Variants in DLG2 observed in about 807,000 individuals in gnomAD.
The protein encoded by DLG2 is discs large MAGUK scaffold protein 2, also known as disks large homolog 2.
In DLG2, 45 loss-of-function variants were observed where a neutral mutation model predicts 132.5. The observed-to-expected ratio is 0.34, with a 90% confidence interval of 0.27 to 0.44. The LOEUF is 0.44. Among genes scored for constraint, DLG2 ranks in the 20% least tolerant of loss-of-function variants. DLG2 has a pLI of 1.00. For synonymous variants in DLG2, 424 were observed against 419.6 expected, an observed-to-expected ratio of 1.01 and a Z score of -0.13; for missense variants, 1,045 against 1,196.9, an observed-to-expected ratio of 0.87 and a Z score of 1.87.
At chr11:85,258,699 G>A (rs2076788212) in intron 4 of DLG2, among the ~76,000 whole-genome samples, 1 of 152,136 alleles carries the variant, frequency 6.6e-6, no homozygotes, top group Non-Finnish European at 1.5e-5. Flanking sequence ...ACAATACGCA[G>A]TTATGTTCCA....
chr11:85,117,204 T>A (rs2073734429), intron 5 of DLG2, among the ~76,000 whole-genome samples: 1 of 151,962 alleles, frequency 6.6e-6, no homozygotes, highest in African/African-American at 2.4e-5. Flanking sequence ...AAATGCCTCA[T>A]CCACATCATA....
intron 19 of DLG2, among the ~76,000 whole-genome samples, chr11:83,562,523 C>G (rs759681118): frequency 6.6e-6 from 1 of 152,054 alleles, no homozygotes; most frequent in Non-Finnish European, 1.5e-5. Context: ...GATAGAAATA[C>G]AAGGCTATAA....
intron 4 of DLG2, among the ~76,000 whole-genome samples, chr11:85,159,508 T>G (rs1361259416): frequency 6.6e-6 from 1 of 152,222 alleles, no homozygotes. Flanking sequence ...ACTTGAAAGA[T>G]GCAGGGGTGG....
intron 17 of DLG2, among the ~76,000 whole-genome samples, chr11:83,793,863 G>A (rs947694303): frequency 6.6e-6 from 1 of 152,108 alleles, no homozygotes; most frequent in Admixed American, 6.5e-5. Flanking sequence ...CCAACACAGA[G>A]TGCAATATAT....
At chr11:83,848,499 T>C (rs6592149) in intron 16 of DLG2, among the ~76,000 whole-genome samples, 7,063 of 152,278 alleles carry the variant, frequency 0.046, 529 homozygotes, top group African/African-American at 0.15. Flanking sequence ...TTATCTGGGT[T>C]AATTGTGTCT....
intron 7 of DLG2, among the ~76,000 whole-genome samples, chr11:84,318,215 T>C (rs1366970858): frequency 6.6e-6 from 1 of 152,212 alleles, no homozygotes; most frequent in Non-Finnish European, 1.5e-5. Context: ...CCAAAGAGGA[T>C]TTTTGTGTTA....
At chr11:84,594,987 T>C (rs1050905310) in intron 6 of DLG2, among the ~76,000 whole-genome samples, 1 of 152,234 alleles carries the variant, frequency 6.6e-6, no homozygotes, top group Non-Finnish European at 1.5e-5. Context: ...TGGGATCATG[T>C]AGATGACCTT....
chr11:85,535,148 T>C (rs947487853), intron 3 of DLG2, among the ~76,000 whole-genome samples: 16 of 152,134 alleles, frequency 1.1e-4, no homozygotes, highest in African/African-American at 2.2e-4. Context: ...CAAAGTATGA[T>C]AGGAAGAGGA....
At chr11:84,669,944 G>A (rs902913370) in intron 6 of DLG2, among the ~76,000 whole-genome samples, 4 of 152,148 alleles carry the variant, frequency 2.6e-5, no homozygotes, top group African/African-American at 7.2e-5. Context: ...CTTGAAGAGA[G>A]ACCAGCACAT....
intron 6 of DLG2, among the ~76,000 whole-genome samples, chr11:84,972,964 C>CT (rs538235900): frequency 0.011 from 1,403 of 123,930 alleles, 4 homozygotes; most frequent in African/African-American, 0.017. Flanking sequence ...TTTTTTTTTT[C>CT]TTTTTTTTTT....
intron 7 of DLG2, among the ~76,000 whole-genome samples, chr11:84,289,932 A>C (rs1157486125): frequency 1.3e-5 from 2 of 152,166 alleles, no homozygotes; most frequent in Non-Finnish European, 2.9e-5. Context: ...AACCAGATCC[A>C]GAATATAGTA....
chr11:84,512,370 T>C (rs79682902), intron 7 of DLG2, among the ~76,000 whole-genome samples: 8,537 of 152,188 alleles, frequency 0.056, 282 homozygotes, highest in South Asian at 0.1. Flanking sequence ...GAACTGACAG[T>C]ACCTTTAAAA....
intron 17 of DLG2, among the ~76,000 whole-genome samples, chr11:83,803,959 T>G (rs1247353010): frequency 6.6e-6 from 1 of 152,148 alleles, no homozygotes. Context: ...GTTCCTCAAG[T>G]TGATGACATT....
chr11:85,132,751 C>T (rs749614175), intron 5 of DLG2: 6 of 456,526 alleles, frequency 1.3e-5, no homozygotes, highest in African/African-American at 1.2e-4. Context: ...CAATAACAGC[C>T]CTGTTTCCTA....
intron 11 of DLG2, among the ~76,000 whole-genome samples, chr11:84,009,282 A>G (rs1025106886): frequency 1.3e-5 from 2 of 151,996 alleles, no homozygotes; most frequent in African/African-American, 4.8e-5. Context: ...GGCATTCAAG[A>G]TGCAAAACAA....
intron 3 of DLG2, among the ~76,000 whole-genome samples, chr11:85,439,356 ATTTTTTTTT>A (rs35516320): frequency 1.5e-5 from 2 of 132,420 alleles, no homozygotes; most frequent in African/African-American, 5.6e-5. Flanking sequence ...CTTCCTCAGC[ATTTTTTTTT>A]TTTTTTTTTG....
intron 8 of DLG2, among the ~76,000 whole-genome samples, chr11:84,213,025 T>C (rs7115828): frequency 6.6e-6 from 1 of 152,206 alleles, no homozygotes; most frequent in Non-Finnish European, 1.5e-5. Flanking sequence ...TGCCACATTG[T>C]GTGAGCCACA....
intron 3 of DLG2, among the ~76,000 whole-genome samples, chr11:85,289,118 A>G (rs1022273133): frequency 1.3e-5 from 2 of 152,160 alleles, no homozygotes; most frequent in Non-Finnish European, 2.9e-5. Flanking sequence ...CAACTACTAG[A>G]GAGGAAGAAA....
At chr11:85,340,609 GCA>G (rs1410278736) in intron 3 of DLG2, among the ~76,000 whole-genome samples, 2 of 152,168 alleles carry the variant, frequency 1.3e-5, no homozygotes, top group Non-Finnish European at 2.9e-5. Flanking sequence ...TGCACATTGT[GCA>G]CATGTACCCT....
Sources: allele counts gnomAD v4.1 joint callset (sites outside exome capture counted in the v4.1 genomes callset), GRCh38; gene constraint gnomAD v4.1.1; transcripts MANE v1.5; gene names NCBI Gene and HGNC (gene_info 2026-07-23, HGNC 2026-07-21).